FNTB: variants seen among roughly 807,000 people sequenced by gnomAD.
FNTB encodes farnesyltransferase, CAAX box, subunit beta, also known as protein farnesyltransferase subunit beta.
Under a neutral mutation model 59.4 loss-of-function variants are expected in FNTB, and 27 were observed. That is an observed-to-expected ratio of 0.45 (90% CI 0.34 to 0.63). The LOEUF (loss-of-function observed/expected upper bound fraction) is 0.63, where lower values mean the gene tolerates loss of function less well. FNTB is among the 20% of genes least tolerant of loss of function. The probability of loss-of-function intolerance (pLI) is 0.02; values close to 1 mark genes in which losing one functional copy is unlikely to be tolerated. For missense variants in FNTB, 449 were observed against 559.6 expected (o/e 0.80, Z 1.99); for synonymous variants, 230 against 220.7 (o/e 1.04, Z -0.37).
chr14:65,021,947 A>G (rs1316296758), intron 4 of FNTB: 2 of 455,916 alleles, frequency 4.4e-6, no homozygotes, highest in Admixed American at 4.7e-5. Flanking sequence ...CGCCCGGCCT[A>G]TAGTAGCCAA....
At chr14:65,024,897 G>A (rs1285574534) in intron 4 of FNTB, among the ~76,000 whole-genome samples, 1 of 152,010 alleles carries the variant, frequency 6.6e-6, no homozygotes, top group East Asian at 1.9e-4. Context: ...GGAATTACAG[G>A]CACAAGCCAC....
rs1309547263 is a variant in FNTB, at chr14:64,990,879, G to A, written c.144+3782G>A. 6.6e-6 allele frequency among the ~76,000 whole-genome samples: 1 copy of A among 152,186 alleles called. No individual in the cohort carries two copies. The highest frequency in any genetic ancestry group is 2.4e-5 in the African/African-American group (1 of 41,436). On this transcript the variant is annotated intron_variant, in intron 1 of 11. Transcript: ENST00000246166. This position sits in a 1 kb window ranked among gnomAD's most constrained non-coding sequence, Gnocchi z 5.2. Reference sequence around the variant, plus strand: ...ACGGTAGTGGAGGTAATGAGAAATGGTCAGCTCTGGATATTTTTATGAAGG... The same window carrying A: ...ACGGTAGTGGAGGTAATGAGAAATGATCAGCTCTGGATATTTTTATGAAGG...
At chr14:65,042,579 C>G (rs1234745712) in intron 8 of FNTB, among the ~76,000 whole-genome samples, 1 of 152,188 alleles carries the variant, frequency 6.6e-6, no homozygotes, top group Non-Finnish European at 1.5e-5. Flanking sequence ...ACCCACCACT[C>G]ATGTCCTGCT....
intron 10 of FNTB, among the ~76,000 whole-genome samples, chr14:65,053,897 G>A (rs998757523): frequency 2.1e-4 from 32 of 152,164 alleles, no homozygotes; most frequent in Non-Finnish European, 1.0e-4. Flanking sequence ...GTATCAGGAA[G>A]GATGTGGCCC....
chr14:65,027,321 G>A lies in FNTB; in HGVS notation c.375-132G>A. On this transcript the variant is annotated intron_variant, in intron 4 of 11. Coordinates refer to ENST00000246166, the MANE Select transcript of FNTB (RefSeq NM_002028.4). The surrounding 1 kb of genome is among the most constrained non-coding windows in gnomAD (Gnocchi z 5.7). ...TTTGGGGAGAGGTTATATTCAACAA[G>A]TGGGAGGAGAGGTTCCCCTCAACTT... 2.1e-6 allele frequency: 3 copies of A among 1,400,608 alleles called. No individual in the cohort carries two copies. The highest frequency in any genetic ancestry group is 2.9e-6 in the Non-Finnish European group (3 of 1,027,188). 86.8% of individuals were successfully genotyped at this position (1,400,608 alleles called of 1,614,324 possible). A position where few individuals can be genotyped will look rare whatever the true frequency, so the allele number is the denominator to read the frequency against.
Position 65,029,881 on chromosome 14 carries a change from G to A in FNTB, c.605+2100G>A, listed in dbSNP as rs2062046929. Among the ~76,000 whole-genome samples, 1 of 152,182 alleles carries A rather than the reference G, an allele frequency of 6.6e-6. No individual in the cohort carries two copies. Among genetic ancestry groups the A allele is most frequent in the South Asian group, 2.1e-4 (1 of 4,830 alleles). ...GTAGTGTTCCAATAAAAGCCCTCTG[G>A]TTTCAGGGCTGGAGGGAGAGAGAGC... On this transcript the variant is annotated intron_variant, in intron 6 of 11. Transcript: ENST00000246166. The surrounding 1 kb of genome is among the most constrained non-coding windows in gnomAD (Gnocchi z 4.7).
chr14:65,018,582 G>A (rs998611355), intron 4 of FNTB, among the ~76,000 whole-genome samples: 18 of 152,028 alleles, frequency 1.2e-4, no homozygotes, highest in African/African-American at 3.4e-4. Flanking sequence ...GGCCAAGGTC[G>A]GCAGATCACC....
chr14:65,006,574 G>C (rs1315120419), intron 2 of FNTB, among the ~76,000 whole-genome samples: 1 of 152,172 alleles, frequency 6.6e-6, no homozygotes, highest in Non-Finnish European at 1.5e-5. Context: ...TGAGGGTGTG[G>C]GTGATTGCTT....
rs906335806 is a variant in FNTB, at chr14:65,030,372, A to C, written c.606-2238A>C. Among the ~76,000 whole-genome samples, 1 of 152,186 alleles carries C rather than the reference A, an allele frequency of 6.6e-6. No individual in the cohort carries two copies. Among genetic ancestry groups the C allele is most frequent in the Non-Finnish European group, 1.5e-5 (1 of 68,046 alleles). ...AAAAATGCTGGTAGGATCATAATGC[A>C]TGCAGCTTCTGCAGAGACTTCTTTG... On this transcript the variant is annotated intron_variant, in intron 6 of 11. Coordinates refer to ENST00000246166, the MANE Select transcript of FNTB (RefSeq NM_002028.4). This position sits in a 1 kb window ranked among gnomAD's most constrained non-coding sequence, Gnocchi z 4.5.
intron 4 of FNTB, among the ~76,000 whole-genome samples, chr14:65,018,357 A>G (rs2061819307): frequency 1.3e-5 from 2 of 152,182 alleles, no homozygotes; most frequent in South Asian, 2.1e-4. Flanking sequence ...GTATATTTGT[A>G]TGTTAAAATA....
At chr14:65,021,846 A>G in intron 4 of FNTB, 1 of 438,542 alleles carries the variant, frequency 2.3e-6, no homozygotes, top group South Asian at 1.6e-5. Context: ...GGGTTTCACC[A>G]TGTTGGCCAG....
chr14:65,053,285 C>T lies in FNTB; in HGVS notation c.1003C>T (p.Leu335=). 1 of 1,468,568 alleles carries T rather than the reference C, an allele frequency of 6.8e-7. No individual in the cohort carries two copies. 91.0% of individuals were successfully genotyped at this position (1,468,568 alleles called of 1,614,324 possible). Residue 335 remains leucine, a synonymous_variant, in exon 10 of 12, where the codon CTG becomes TTG. Transcript: ENST00000246166. ...CCACTGGATGTTCCATCAGCAGGCC[C>T]TGCAGGAGTACATCCTGATGTGCTG... ...MSHWMFHQQA[L]QEYILMCCQC...
intron 4 of FNTB, among the ~76,000 whole-genome samples, chr14:65,017,455 C>G (rs2061798146): frequency 6.6e-6 from 1 of 152,022 alleles, no homozygotes; most frequent in African/African-American, 2.4e-5. Context: ...ACAGGGGGTG[C>G]CTGAGGTGGA....
At chr14:65,036,398 G>C (rs958221175) in intron 7 of FNTB, among the ~76,000 whole-genome samples, 6 of 151,522 alleles carry the variant, frequency 4.0e-5, no homozygotes, top group African/African-American at 1.5e-4. Context: ...CACCACACCT[G>C]GCTAATTTTT....
rs749243788 is a variant in FNTB at position 65,043,828 on chromosome 14, CA to C, written c.823-451del. Among the ~76,000 whole-genome samples, 400 of 64,198 alleles carry C rather than the reference CA, an allele frequency of 6.2e-3. 1 individual carries two copies. The highest frequency in any genetic ancestry group is 0.024 in the South Asian group (30 of 1,250). 42.1% of individuals were successfully genotyped at this position (64,198 alleles called of 152,430 possible). ...TGGGCGACAGAGCGAGACTCCGTCTCAAAAAAAAAAAAAAAAAAAAAAAAAA... is the reference window on the plus strand; with the variant it reads ...TGGGCGACAGAGCGAGACTCCGTCTCAAAAAAAAAAAAAAAAAAAAAAAAA... On this transcript the variant is annotated intron_variant, in intron 8 of 11. Transcript: ENST00000246166.
intron 9 of FNTB, among the ~76,000 whole-genome samples, chr14:65,050,731 C>T (rs1194746307): frequency 2.6e-5 from 4 of 152,228 alleles, no homozygotes; most frequent in Non-Finnish European, 5.9e-5. Flanking sequence ...AGCAGGGCTA[C>T]TCCACAGGGA....
intron 4 of FNTB, chr14:65,022,109 A>G (rs1183738911): frequency 2.2e-6 from 1 of 455,618 alleles, no homozygotes; most frequent in African/African-American, 2.0e-5. Context: ...CCATTGTCAT[A>G]TTCTACCTAG....
rs998800642 is a variant in FNTB at position 65,032,992 on chromosome 14, T to G, written c.692+296T>G. ...GAGCAATTTGACAGTATGTCAAAGG[T>G]GCCCTTGCGTAGGACCCAGTAATTC... On this transcript the variant is annotated intron_variant, in intron 7 of 11. Transcript: ENST00000246166. The surrounding 1 kb of genome is among the most constrained non-coding windows in gnomAD (Gnocchi z 5.0). Among the ~76,000 whole-genome samples, 3 of 152,188 alleles carry G rather than the reference T, an allele frequency of 2.0e-5. No individual in the cohort carries two copies. The highest frequency in any genetic ancestry group is 7.2e-5 in the African/African-American group (3 of 41,448).
rs2062106776 is a variant in FNTB, at chr14:65,032,547, G to GT, written c.606-61dup. On this transcript the variant is annotated intron_variant, in intron 6 of 11. Transcript: ENST00000246166. This position sits in a 1 kb window ranked among gnomAD's most constrained non-coding sequence, Gnocchi z 5.0. ...GCAAGGCGAGCAGTCCGCCCGCGGA[G>GT]TTCACTGAGCCTCATTAGCTCTTCC... 1.3e-6 allele frequency: 2 copies of GT among 1,588,854 alleles called. No individual in the cohort carries two copies. Among genetic ancestry groups the GT allele is most frequent in the African/African-American group, 2.7e-5 (2 of 74,126 alleles).
Sources: gnomAD v4.1 joint callset for allele counts (sites outside exome capture counted in the v4.1 genomes callset) on GRCh38, gnomAD v4.1.1 for gene constraint, Gnocchi (gnomAD v3.1) non-coding constraint, MANE v1.5 for transcripts, NCBI Gene and HGNC (gene_info 2026-07-23, HGNC 2026-07-21) for gene names.